The following PARP8 variants were observed in gnomAD, a reference collection of about 807,000 sequenced individuals.
PARP8 encodes the protein poly(ADP-ribose) polymerase family member 8, also known as protein mono-ADP-ribosyltransferase PARP8.
PARP8 carries 51 observed loss-of-function variants against 124.1 expected under a neutral mutation model. The observed-to-expected ratio is 0.41, with a 90% CI of 0.33 to 0.52. PARP8 has a LOEUF of 0.52. Among genes scored for constraint, PARP8 ranks in the 20% least tolerant of loss-of-function variants. The pLI, the probability that PARP8 is intolerant of heterozygous loss-of-function variation, is 0.21. For missense variants in PARP8, 860 were observed against 1,018.9 expected, an observed-to-expected ratio of 0.84 and a Z score of 2.12; for synonymous variants, 391 against 361.5, an observed-to-expected ratio of 1.08 and a Z score of -0.93.
intron 2 of PARP8, among the ~76,000 whole-genome samples, chr5:50,719,683 C>T (rs763528631): frequency 1.6e-4 from 24 of 151,868 alleles, no homozygotes; most frequent in Non-Finnish European, 3.1e-4. Context: ...CAAATATTGG[C>T]GGTGTTTTTG....
At chr5:50,751,235 C>G (rs1200143713) in intron 3 of PARP8, among the ~76,000 whole-genome samples, 1 of 152,082 alleles carries the variant, frequency 6.6e-6, no homozygotes, top group Non-Finnish European at 1.5e-5. Context: ...GTTTAGCTCC[C>G]TCTTGTGGCC....
intron 9 of PARP8, among the ~76,000 whole-genome samples, chr5:50,784,993 G>A (rs1342700971): frequency 1.3e-5 from 2 of 151,600 alleles, no homozygotes; most frequent in African/African-American, 2.4e-5. Context: ...CCAAACCCCT[G>A]TTTCTCTGTT....
At chr5:50,841,236 G>A (rs919068995) in intron 25 of PARP8, among the ~76,000 whole-genome samples, 1 of 151,808 alleles carries the variant, frequency 6.6e-6, no homozygotes, top group African/African-American at 2.4e-5. Context: ...GATCATGAAA[G>A]CTTGAAAATT....
At chr5:50,713,412 G>T (rs1358810797) in intron 2 of PARP8, among the ~76,000 whole-genome samples, 1 of 151,552 alleles carries the variant, frequency 6.6e-6, no homozygotes, top group African/African-American at 2.4e-5. Flanking sequence ...GGCTAATTTT[G>T]GTATTTTTTG....
chr5:50,776,355 T>C (rs528996459), intron 7 of PARP8, among the ~76,000 whole-genome samples: 1 of 152,274 alleles, frequency 6.6e-6, no homozygotes, highest in East Asian at 1.9e-4. Flanking sequence ...TTTCTTTTTG[T>C]TGTTGTTTCC....
intron 14 of PARP8, among the ~76,000 whole-genome samples, chr5:50,814,630 C>T (rs1410784566): frequency 6.6e-6 from 1 of 151,930 alleles, no homozygotes; most frequent in Non-Finnish European, 1.5e-5. Context: ...CAGAATGGGG[C>T]CATACATCCC....
At chr5:50,818,244 C>T (rs887286146) in intron 15 of PARP8, among the ~76,000 whole-genome samples, 3 of 121,022 alleles carry the variant, frequency 2.5e-5, no homozygotes, top group African/African-American at 3.4e-5. Flanking sequence ...TCTTTTCTTC[C>T]CCCTCGAGAG....
intron 3 of PARP8, among the ~76,000 whole-genome samples, chr5:50,757,429 G>T (rs1760087940): frequency 6.6e-6 from 1 of 152,048 alleles, no homozygotes; most frequent in African/African-American, 2.4e-5. Flanking sequence ...CTATGTTTCT[G>T]ATCATAGATT....
intron 2 of PARP8, among the ~76,000 whole-genome samples, chr5:50,719,068 G>A (rs1755616383): frequency 1.3e-5 from 2 of 151,996 alleles, no homozygotes; most frequent in South Asian, 4.1e-4. Context: ...TATTAAGGAT[G>A]TTGAGCATTT....
At chr5:50,794,089 C>T in intron 10 of PARP8, 118 bp from the exon 11 acceptor site, 2 of 1,115,634 alleles carry the variant, frequency 1.8e-6, no homozygotes, top group Non-Finnish European at 2.5e-6. Flanking sequence ...ATTAGCGTCT[C>T]ACTGATTTCT....
intron 14 of PARP8, among the ~76,000 whole-genome samples, chr5:50,815,113 CAT>C (rs1744953746): frequency 1.3e-5 from 2 of 151,978 alleles, no homozygotes; most frequent in South Asian, 2.1e-4. Context: ...CTGTGCATCT[CAT>C]GTGCAAATGT....
At chr5:50,682,168 A>AT (rs1751367980) in intron 2 of PARP8, among the ~76,000 whole-genome samples, 1 of 152,090 alleles carries the variant, frequency 6.6e-6, no homozygotes, top group African/African-American at 2.4e-5. Context: ...TTGCTGTTTG[A>AT]TCAAAGCTGT....
At chr5:50,760,888 A>G (rs993125060) in intron 5 of PARP8, among the ~76,000 whole-genome samples, 3 of 152,140 alleles carry the variant, frequency 2.0e-5, no homozygotes, top group African/African-American at 7.2e-5. Flanking sequence ...CAATAGGACC[A>G]GCAGTTCTTT....
intron 15 of PARP8, among the ~76,000 whole-genome samples, chr5:50,818,247 C>A (rs39613): frequency 1.6e-5 from 2 of 124,886 alleles, no homozygotes; most frequent in Non-Finnish European, 3.1e-5. Context: ...TTTCTTCCCC[C>A]TCGAGAGAGC....
At chr5:50,678,933 A>G (rs536591722) in intron 2 of PARP8, among the ~76,000 whole-genome samples, 22 of 145,940 alleles carry the variant, frequency 1.5e-4, no homozygotes, top group African/African-American at 5.1e-4. Flanking sequence ...ACTAAGGGGG[A>G]AAAAAATGCC....
rs749807261 is a variant in PARP8 at position 50,795,304 on chromosome 5, T to G, written c.1315T>G (p.Ser439Ala). Residue 439 changes from serine (S) to alanine (A), a missense_variant, in exon 12 of 26, where the codon TCA becomes GCA. Ser to Ala is a moderately conservative substitution (Grantham distance 99). Around this residue, in one of 2 missense-constraint regions of PARP8, gnomAD observed 517 missense variants for 544.2 expected, o/e 0.95. Transcript: ENST00000281631. ...CAAGTCCTACTCCAGTGCCCCCAAG[T>G]CATCCAAAACTGAGCTTTTCAAGGA... ...LSKSYSSAPK[S>A]SKTELFKEPN... The G allele has an allele frequency of 6.2e-7, 1 of 1,614,144 alleles. No individual in the cohort carries two copies. The highest frequency in any genetic ancestry group is 8.5e-7 in the Non-Finnish European group (1 of 1,180,004).
chr5:50,823,646 G>T (rs1746018999), intron 17 of PARP8, among the ~76,000 whole-genome samples: 1 of 152,158 alleles, frequency 6.6e-6, no homozygotes, highest in Admixed American at 6.5e-5. Context: ...TCATGAAAAA[G>T]ACTTTGGTAT....
intron 25 of PARP8, among the ~76,000 whole-genome samples, chr5:50,837,486 T>C (rs1747710617): frequency 1.3e-5 from 2 of 152,306 alleles, no homozygotes; most frequent in Admixed American, 1.3e-4. Flanking sequence ...CTGTTCTTTT[T>C]ATTTTAATTT....
intron 9 of PARP8, among the ~76,000 whole-genome samples, chr5:50,786,275 G>A (rs116357796): frequency 1.4e-4 from 21 of 151,786 alleles, no homozygotes; most frequent in African/African-American, 5.1e-4. Flanking sequence ...CTTCATTCTT[G>A]CCAAATGACT....
Sources: allele counts gnomAD v4.1 joint callset (sites outside exome capture counted in the v4.1 genomes callset), GRCh38; gene constraint gnomAD v4.1.1; regional missense constraint gnomAD v4.1.1; transcripts MANE v1.5; gene names NCBI Gene and HGNC (gene_info 2026-07-23, HGNC 2026-07-21).